Variants in VAC14 observed in about 807,000 individuals in gnomAD.
VAC14 encodes VAC14 component of PIKFYVE complex, also known as protein VAC14 homolog.
VAC14 carries 47 observed loss-of-function variants against 85.3 expected under a neutral mutation model. The ratio of observed to expected loss-of-function variants is 0.55; its 90% confidence interval spans 0.44 to 0.70. The LOEUF (loss-of-function observed/expected upper bound fraction) is 0.70, where lower values mean the gene tolerates loss of function less well. Among genes scored for constraint, VAC14 ranks in the 30% least tolerant of loss-of-function variants. VAC14 has a pLI of 0.00. For synonymous variants in VAC14, 447 were observed against 430.5 expected (o/e 1.04, Z -0.47); for missense variants, 861 against 1,004.3 (o/e 0.86, Z 1.93).
rs531929571 is a variant in VAC14 at position 70,781,842 on chromosome 16, A to G, written c.946+27T>C. On this transcript the variant is annotated intron_variant, in intron 8 of 18. Coordinates refer to ENST00000261776, the MANE Select transcript of VAC14 (RefSeq NM_018052.5). ...CATAATCCCTTTGGGGCTTCTCTCA[A>G]TTATTCTCTCCCAAAGCAAAGGATA... 86 of 1,612,396 alleles carry G rather than the reference A, an allele frequency of 5.3e-5. No individual in the cohort carries two copies. The South Asian group carries it at 7.9e-4, about 15-fold the overall frequency.
At chr16:70,788,546 T>C (rs141888810) in intron 1 of VAC14, among the ~76,000 whole-genome samples, 1 of 152,324 alleles carries the variant, frequency 6.6e-6, no homozygotes, top group African/African-American at 2.4e-5. Context: ...TACTAAGGCC[T>C]GGCAAGGATG....
intron 10 of VAC14, among the ~76,000 whole-genome samples, chr16:70,764,942 G>T (rs745730527): frequency 2.0e-5 from 3 of 152,040 alleles, no homozygotes; most frequent in East Asian, 1.9e-4. Context: ...TCTTTTTCCC[G>T]TCCTGCAGAG....
At chr16:70,786,039 AG>A in intron 2 of VAC14, 170 bp from the exon 3 acceptor site, 1 of 1,340,640 alleles carries the variant, frequency 7.5e-7, no homozygotes, top group Non-Finnish European at 1.0e-6. Context: ...GCCCATGCCT[AG>A]GGGACCAGGC....
Position 70,724,483 on chromosome 16 carries a change from A to G in VAC14, c.1661+7012T>C, listed in dbSNP as rs1318953567. Reference sequence around the variant, plus strand: ...CCTGAACTTTGCACCTCACAAGGTCATCTTTTCACCTGGGAAGGCAGCACT... The same window carrying G: ...CCTGAACTTTGCACCTCACAAGGTCGTCTTTTCACCTGGGAAGGCAGCACT... On this transcript the variant is annotated intron_variant, in intron 14 of 18. Coordinates refer to ENST00000261776, the MANE Select transcript of VAC14 (RefSeq NM_018052.5). Among the ~76,000 whole-genome samples, 3 of 152,204 alleles carry G rather than the reference A, an allele frequency of 2.0e-5. No homozygotes were observed. In the East Asian group the frequency reaches 5.8e-4, roughly 29 times the overall value.
chr16:70,794,584 C>T (rs1285499000), intron 1 of VAC14, among the ~76,000 whole-genome samples: 2 of 152,220 alleles, frequency 1.3e-5, no homozygotes, highest in East Asian at 1.9e-4. Flanking sequence ...GCAAAGCTCC[C>T]GACGATTTGC....
At chr16:70,698,336 G>A (rs1490017528) in intron 15 of VAC14, among the ~76,000 whole-genome samples, 1 of 152,240 alleles carries the variant, frequency 6.6e-6, no homozygotes, top group East Asian at 1.9e-4. Context: ...AGGGGGCAGT[G>A]CCTGGAGTGG....
At chr16:70,799,429 G>C (rs924567473) in intron 1 of VAC14, among the ~76,000 whole-genome samples, 3 of 152,190 alleles carry the variant, frequency 2.0e-5, no homozygotes, top group African/African-American at 7.2e-5. Context: ...TGGAGGCAGG[G>C]TGGGGGATTT....
At chr16:70,706,461 T>C (rs1388170778) in intron 14 of VAC14, among the ~76,000 whole-genome samples, 1 of 152,196 alleles carries the variant, frequency 6.6e-6, no homozygotes, top group Admixed American at 6.5e-5. Context: ...TTCCTTCATT[T>C]CCATCCCCAG....
chr16:70,749,801 C>T (rs551323075), intron 12 of VAC14, among the ~76,000 whole-genome samples: 1 of 152,338 alleles, frequency 6.6e-6, no homozygotes, highest in Admixed American at 6.5e-5. Context: ...AAACCTGACT[C>T]AGCCCAGGGG....
At chr16:70,735,486 C>T (rs777609882) in intron 13 of VAC14, among the ~76,000 whole-genome samples, 3 of 152,238 alleles carry the variant, frequency 2.0e-5, no homozygotes, top group Non-Finnish European at 2.9e-5. Flanking sequence ...CAGGAAGCAG[C>T]AGCAAGACTC....
intron 12 of VAC14, among the ~76,000 whole-genome samples, chr16:70,754,270 G>A (rs1045446050): frequency 6.6e-6 from 1 of 152,300 alleles, no homozygotes; most frequent in African/African-American, 2.4e-5. Flanking sequence ...GGGGTGGGTA[G>A]AGGCCCTCTC....
At chr16:70,753,645 A>G (rs1266181351) in intron 12 of VAC14, among the ~76,000 whole-genome samples, 1 of 152,182 alleles carries the variant, frequency 6.6e-6, no homozygotes, top group Admixed American at 6.5e-5. Context: ...CCCACTGGGA[A>G]GCATGTGAAA....
chr16:70,749,697 T>C (rs1433858149), intron 12 of VAC14, among the ~76,000 whole-genome samples: 1 of 152,192 alleles, frequency 6.6e-6, no homozygotes, highest in Non-Finnish European at 1.5e-5. Context: ...GGGCAAGGAA[T>C]GGCTTGAGGT....
chr16:70,732,028 TG>T (rs2054606186), intron 13 of VAC14, among the ~76,000 whole-genome samples: 3 of 152,264 alleles, frequency 2.0e-5, no homozygotes, highest in Non-Finnish European at 4.4e-5. Flanking sequence ...AAGATCTATT[TG>T]GGCCATTAAG....
chr16:70,748,922 G>C (rs1357088662), intron 12 of VAC14, among the ~76,000 whole-genome samples: 1 of 152,124 alleles, frequency 6.6e-6, no homozygotes, highest in East Asian at 1.9e-4. Context: ...GGGCAATAGA[G>C]TGAGACTCTG....
chr16:70,790,659 G>C (rs2034293467), intron 1 of VAC14, among the ~76,000 whole-genome samples: 1 of 152,142 alleles, frequency 6.6e-6, no homozygotes, highest in East Asian at 1.9e-4. Context: ...TCTGTGCTGG[G>C]CGTTCCCTCC....
At chr16:70,745,523 G>GCA (rs111547657) in intron 12 of VAC14, among the ~76,000 whole-genome samples, 1 of 137,630 alleles carries the variant, frequency 7.3e-6, no homozygotes, top group African/African-American at 3.4e-5. Flanking sequence ...GTGTGTGCGC[G>GCA]TGTGCGCGCG....
rs563443660 is a variant in VAC14, at chr16:70,706,888, A to C, written c.1662-8077T>G. Among the ~76,000 whole-genome samples, 258 of 152,192 alleles carry C rather than the reference A, an allele frequency of 1.7e-3. 2 individuals are homozygous for C. The highest frequency in any genetic ancestry group is 6.0e-3 in the African/African-American group (249 of 41,524). ...ATGGACCCCAGTACTTTCCTAGGAG[A>C]CACCTGGAGTCTCACGGCCAATAAA... On this transcript the variant is annotated intron_variant, in intron 14 of 18. Coordinates refer to ENST00000261776, the MANE Select transcript of VAC14 (RefSeq NM_018052.5).
intron 14 of VAC14, chr16:70,715,473 G>C (rs1231837324): frequency 6.6e-6 from 1 of 152,402 alleles, no homozygotes; most frequent in East Asian, 1.9e-4. Context: ...GTTGCTCAGT[G>C]ATACATGGCG....
Sources: gnomAD v4.1 joint callset for allele counts (sites outside exome capture counted in the v4.1 genomes callset) on GRCh38, gnomAD v4.1.1 for gene constraint, MANE v1.5 for transcripts, NCBI Gene and HGNC (gene_info 2026-07-23, HGNC 2026-07-21) for gene names.